Variants in MAST4 observed in about 807,000 individuals in gnomAD.
MAST4 encodes microtubule associated serine/threonine kinase family member 4.
In MAST4, 89 loss-of-function variants were observed where a neutral mutation model predicts 162.7. The observed-to-expected ratio is 0.55, with a 90% CI of 0.46 to 0.65. The LOEUF (loss-of-function observed/expected upper bound fraction) is 0.65. Among genes scored for constraint, MAST4 ranks in the 30% least tolerant of loss-of-function variants. MAST4 has a pLI of 0.00. For missense variants in MAST4, 3,153 were observed against 3,374.0 expected (o/e 0.93, Z 1.62); for synonymous variants, 1,479 against 1,361.1 (o/e 1.09, Z -1.91).
chr5:66,735,546 T>TA lies in MAST4; in HGVS notation c.364-24160dup, dbSNP rs144292384. 7.8e-3 allele frequency among the ~76,000 whole-genome samples: 1,182 copies of TA among 152,344 alleles called. 18 individuals carry two copies. Among genetic ancestry groups the TA allele is most frequent in the African/African-American group, 0.026 (1,086 of 41,580 alleles). On this transcript the variant is annotated intron_variant, in intron 1 of 28. Coordinates refer to ENST00000403625, the MANE Select transcript of MAST4 (RefSeq NM_001164664.2). ...TATTATATGATACTTGCTTATTAAATAAATCTTGTATTTTTTTCTCCTGGT... is the reference window on the plus strand; with the variant it reads ...TATTATATGATACTTGCTTATTAAATAAAATCTTGTATTTTTTTCTCCTGGT...
chr5:67,015,030 A>G (rs1220423481), intron 4 of MAST4, among the ~76,000 whole-genome samples: 1 of 152,232 alleles, frequency 6.6e-6, no homozygotes, highest in Non-Finnish European at 1.5e-5. Context: ...ATATAGAGAC[A>G]TTCCATGGAA....
chr5:66,916,213 G>A (rs1380751963), intron 4 of MAST4, among the ~76,000 whole-genome samples: 1 of 152,166 alleles, frequency 6.6e-6, no homozygotes, highest in Non-Finnish European at 1.5e-5. Flanking sequence ...AATTGTATAA[G>A]TGGCTCTGAA....
At chr5:66,705,547 T>G (rs897333538) in intron 1 of MAST4, among the ~76,000 whole-genome samples, 1 of 152,176 alleles carries the variant, frequency 6.6e-6, no homozygotes, top group African/African-American at 2.4e-5. Flanking sequence ...TTCCCCTGAG[T>G]CTACTTTGAC....
intron 1 of MAST4, among the ~76,000 whole-genome samples, chr5:66,707,038 A>G (rs2149518605): frequency 6.6e-6 from 1 of 152,260 alleles, no homozygotes; most frequent in Non-Finnish European, 1.5e-5. Flanking sequence ...GTGGTCTTGG[A>G]CATTCAGGGT....
At chr5:67,033,315 C>CTCTCTCTGTGTGTGTGTG (rs1554084489) in intron 4 of MAST4, among the ~76,000 whole-genome samples, 6 of 125,988 alleles carry the variant, frequency 4.8e-5, no homozygotes, top group African/African-American at 1.5e-4. Flanking sequence ...TTTCATTTCT[C>CTCTCTCTGTGTGTGTGTG]TGTGTGTGTG....
chr5:67,092,886 T>G (rs2548589), intron 6 of MAST4, among the ~76,000 whole-genome samples: 231 of 152,306 alleles, frequency 1.5e-3, no homozygotes, highest in Non-Finnish European at 2.3e-3. Context: ...CCCTTTCTGT[T>G]TTTATTCATT....
At chr5:67,104,688 A>G (rs1365407081) in intron 10 of MAST4, 113 bp downstream of exon 10, 4 of 705,258 alleles carry the variant, frequency 5.7e-6, no homozygotes, top group East Asian at 5.5e-5. Context: ...CAGAGAAGCA[A>G]AAAAGAAGGA....
intron 4 of MAST4, among the ~76,000 whole-genome samples, chr5:66,975,398 G>A (rs897852029): frequency 6.6e-6 from 1 of 152,166 alleles, no homozygotes; most frequent in Non-Finnish European, 1.5e-5. Flanking sequence ...GCACTTTCAC[G>A]TTCATGTTAC....
intron 1 of MAST4, among the ~76,000 whole-genome samples, chr5:66,677,168 C>G (rs1748003970): frequency 6.6e-6 from 1 of 152,126 alleles, no homozygotes; most frequent in Non-Finnish European, 1.5e-5. Context: ...GGTTTTTGGC[C>G]TTTACAGTGC....
chr5:67,000,178 G>T (rs554469770), intron 4 of MAST4, among the ~76,000 whole-genome samples: 27 of 152,106 alleles, frequency 1.8e-4, no homozygotes, highest in African/African-American at 6.5e-4. Flanking sequence ...TCACTTCTAG[G>T]TGCCCTGAAA....
At chr5:66,699,387 G>T (rs920857042) in intron 1 of MAST4, among the ~76,000 whole-genome samples, 1 of 152,124 alleles carries the variant, frequency 6.6e-6, no homozygotes, top group Non-Finnish European at 1.5e-5. Flanking sequence ...CCAGAGAACT[G>T]CAGGCCCTAA....
intron 10 of MAST4, among the ~76,000 whole-genome samples, chr5:67,105,625 C>T (rs1384631820): frequency 6.6e-6 from 1 of 152,186 alleles, no homozygotes. Context: ...TGGACCTGTT[C>T]TCTCCCATAA....
intron 1 of MAST4, among the ~76,000 whole-genome samples, chr5:66,702,958 A>G (rs1749877524): frequency 6.6e-6 from 1 of 152,144 alleles, no homozygotes; most frequent in African/African-American, 2.4e-5. Flanking sequence ...GGAGTTCAGA[A>G]GGGGGATGTC....
In MAST4 at chr5:67,142,492, G is replaced by T; in HGVS notation, c.2689G>T (p.Glu897Ter). The part of the protein sequence containing the change: ...DDTNDEDFNV[E>*]IRQFSSCSHR... ...CACAAATGATGAAGACTTTAATGTG[G>T]AAATAAGGCAGTTTTCTTCATGTTC... is the stretch of plus-strand genomic sequence containing the variant. Residue 897 changes from glutamate to a stop codon, truncating the protein, a stop_gained, in exon 21 of 29, where the codon GAA (glutamate) becomes TAA (stop). Transcript: ENST00000403625. LOFTEE classifies it high-confidence loss of function. The T allele has an allele frequency of 6.3e-7, 1 of 1,595,710 alleles. No individual in the cohort carries two copies. The highest frequency in any genetic ancestry group is 8.5e-7 in the Non-Finnish European group (1 of 1,170,412).
At chr5:66,806,133 A>G (rs1756174352) in intron 3 of MAST4, among the ~76,000 whole-genome samples, 1 of 152,184 alleles carries the variant, frequency 6.6e-6, no homozygotes, top group Non-Finnish European at 1.5e-5. Flanking sequence ...GTTATTCAGA[A>G]CATCCTCTGC....
At chr5:66,820,755 A>AATGTT (rs1380798373) in intron 3 of MAST4, among the ~76,000 whole-genome samples, 1 of 152,214 alleles carries the variant, frequency 6.6e-6, no homozygotes, top group Non-Finnish European at 1.5e-5. Flanking sequence ...TCATTGTTAA[A>AATGTT]ATGTTCAAAA....
rs180700494 is a variant in MAST4 at position 66,872,637 on chromosome 5, C to T, written c.643-27314C>T. On this transcript the variant is annotated intron_variant, in intron 3 of 28. Coordinates refer to ENST00000403625, the MANE Select transcript of MAST4 (RefSeq NM_001164664.2). ...GCTCAGTAGCATCGAGGTGAAGTCC[C>T]GGGAGTTCTGTTGGTACATGAAGGA... 4.6e-5 allele frequency among the ~76,000 whole-genome samples: 7 copies of T among 152,212 alleles called. No individual in the cohort carries two copies. In the South Asian group the frequency reaches 6.2e-4, roughly 14 times the overall value.
chr5:66,962,673 G>A (rs1746160693), intron 4 of MAST4, among the ~76,000 whole-genome samples: 1 of 152,138 alleles, frequency 6.6e-6, no homozygotes, highest in African/African-American at 2.4e-5. Context: ...ACTCCAGCCT[G>A]GGTGACTAGA....
Position 67,163,657 on chromosome 5 carries a change from T to C in MAST4, c.4478T>C (p.Val1493Ala), listed in dbSNP as rs1773497897. ...EAPLQSLDEN[V>A]CDVPPLSRAR... The stretch of plus-strand genomic sequence containing the variant: ...CCGCTGCAGAGCCTGGATGAGAACG[T>C]GTGCGACGTGCCGCCGCTCAGCCGC... Residue 1493 changes from valine to alanine, a missense_variant, in exon 29 of 29, where the codon GTG (valine) becomes GCG (alanine). Around this residue, in one of 7 missense-constraint regions of MAST4, gnomAD observed 1,644 missense variants for 1,495.0 expected, o/e 1.10. Transcript: ENST00000403625. This position sits in a 1 kb window ranked among gnomAD's most constrained non-coding sequence, Gnocchi z 7.0. 1.2e-6 allele frequency: 2 copies of C among 1,608,178 alleles called. No individual in the cohort carries two copies. The highest frequency in any genetic ancestry group is 2.7e-5 in the African/African-American group (2 of 74,982).
Sources: gnomAD v4.1 joint callset for allele counts (sites outside exome capture counted in the v4.1 genomes callset) on GRCh38, gnomAD v4.1.1 for gene constraint, gnomAD v4.1.1 regional missense constraint, Gnocchi (gnomAD v3.1) non-coding constraint, MANE v1.5 for transcripts, NCBI Gene and HGNC (gene_info 2026-07-23, HGNC 2026-07-21) for gene names.